Variants in MYLK4 observed in about 807,000 individuals in gnomAD.
The protein encoded by MYLK4 is caMLCK like.
In MYLK4, 46 loss-of-function variants were observed where a neutral mutation model predicts 48.1. That is an observed-to-expected ratio of 0.96 (90% CI 0.75 to 1.22). MYLK4 has a LOEUF of 1.22. MYLK4 is among the 50% of genes most tolerant of loss of function. The pLI is 0.00. For missense variants in MYLK4, 451 were observed against 486.1 expected (o/e 0.93, Z 0.68); for synonymous variants, 170 against 180.8 (o/e 0.94, Z 0.48).
chr6:2,679,430 G>A (rs530641380), intron 8 of MYLK4, 22 bp from the exon 9 acceptor site: 110 of 1,614,112 alleles, frequency 6.8e-5, no homozygotes, highest in Non-Finnish European at 9.1e-5. Context: ...GAGACAAAGT[G>A]GAAGGATGGA....
intron 2 of MYLK4, among the ~76,000 whole-genome samples, chr6:2,696,992 G>A (rs1223234565): frequency 3.9e-5 from 6 of 152,178 alleles, no homozygotes; most frequent in Non-Finnish European, 2.9e-5. Flanking sequence ...CCTGGAGGCG[G>A]AGGTTGCCGT....
intron 6 of MYLK4, among the ~76,000 whole-genome samples, chr6:2,683,391 T>TTGTGTGTGTGTGTG (rs67359849): frequency 0.01 from 1,308 of 126,620 alleles, 43 homozygotes; most frequent in South Asian, 0.014. Flanking sequence ...CCCCACCTTT[T>TTGTGTGTGTGTGTG]TGTGTGTGTG....
chr6:2,758,475 A>G, the MYLK4 span, among the ~76,000 whole-genome samples: 45 of 151,942 alleles, frequency 3.0e-4, no homozygotes, highest in African/African-American at 9.9e-4. Flanking sequence ...CTTTTATTGA[A>G]AGATATACAT....
At position 2,726,955 on chromosome 6, in the gene MYLK4, AT is replaced by A. The variant is rs1190306096; in HGVS notation, c.159+22180del. Among the ~76,000 whole-genome samples, 6 of 152,286 alleles carry A rather than the reference AT, an allele frequency of 3.9e-5. No homozygotes were observed. The South Asian group carries it at 6.2e-4, about 16-fold the overall frequency. On this transcript the variant is annotated intron_variant, in intron 2 of 12. Transcript: ENST00000274643. ...CAAATGATTACCTGGGCTAAAACAA[AT>A]TTCTGTGTAAATATCTTAAAACTGT...
intron 2 of MYLK4, 30 bp from the exon 3 acceptor site, chr6:2,692,889 T>C: frequency 6.3e-7 from 1 of 1,599,666 alleles, no homozygotes; most frequent in South Asian, 1.1e-5. Flanking sequence ...TAATTGAAGT[T>C]ACATATCACA....
intron 2 of MYLK4, among the ~76,000 whole-genome samples, chr6:2,696,020 A>T (rs1762047761): frequency 6.6e-6 from 1 of 152,248 alleles, no homozygotes; most frequent in South Asian, 2.1e-4. Context: ...GATGAACCTA[A>T]GGACCTCTTT....
At chr6:2,729,774 C>A (rs1198689489) in intron 2 of MYLK4, among the ~76,000 whole-genome samples, 1 of 152,082 alleles carries the variant, frequency 6.6e-6, no homozygotes, top group African/African-American at 2.4e-5. Context: ...AAGTTTCTGA[C>A]AACCTACAAA....
At chr6:2,758,396 TAAC>T in the MYLK4 span, among the ~76,000 whole-genome samples, 13 of 151,356 alleles carry the variant, frequency 8.6e-5, no homozygotes, top group Admixed American at 3.3e-4. Context: ...ATAATATAAA[TAAC>T]AAAAATGTTA....
Position 2,672,568 on chromosome 6 carries a change from G to A in MYLK4, c.1120-1220C>T, listed in dbSNP as rs1760940113. ...AGAATTTAGATTGAAATGGTAAACA[G>A]TTTTGGATCAGAATTAAATTTTCAA... On this transcript the variant is annotated intron_variant, in intron 11 of 12. Coordinates refer to ENST00000274643, the MANE Select transcript of MYLK4 (RefSeq NM_001012418.5). This position sits in a 1 kb window ranked among gnomAD's most constrained non-coding sequence, Gnocchi z 4.3. Among the ~76,000 whole-genome samples, 2 of 152,172 alleles carry A rather than the reference G, an allele frequency of 1.3e-5. No individual in the cohort carries two copies. Among genetic ancestry groups the A allele is most frequent in the South Asian group, 4.1e-4 (2 of 4,828 alleles).
chr6:2,744,218 A>T, intron 2 of MYLK4: 1 of 390,648 alleles, frequency 2.6e-6, no homozygotes, highest in Non-Finnish European at 4.5e-6. Flanking sequence ...TCAGCAAATA[A>T]TCTGCCTCTT....
At chr6:2,686,195 T>C (rs1225959876) in intron 4 of MYLK4, among the ~76,000 whole-genome samples, 2 of 152,244 alleles carry the variant, frequency 1.3e-5, no homozygotes, top group African/African-American at 4.8e-5. Flanking sequence ...AGCACATTTC[T>C]TGGGTGATTC....
upstream of MYLK4, chr6:2,750,943 T>A (rs895541876): frequency 1.3e-5 from 2 of 152,664 alleles, no homozygotes; most frequent in African/African-American, 4.8e-5. Flanking sequence ...TCAGCCCCTG[T>A]TTAAATTAAT....
chr6:2,724,976 C>T (rs12214807), intron 2 of MYLK4, among the ~76,000 whole-genome samples: 40,972 of 152,018 alleles, frequency 0.27, 5,752 homozygotes, highest in Admixed American at 0.31. Context: ...CATGATGAAA[C>T]TCCGTCTCTA....
chr6:2,699,231 A>G (rs1055500404), intron 2 of MYLK4, among the ~76,000 whole-genome samples: 4 of 151,548 alleles, frequency 2.6e-5, no homozygotes, highest in Middle Eastern at 3.4e-3. Context: ...ATTTTATTAT[A>G]ATATACATTG....
intron 2 of MYLK4, among the ~76,000 whole-genome samples, chr6:2,720,252 A>C (rs568620253): frequency 4.6e-5 from 7 of 151,992 alleles, no homozygotes; most frequent in Non-Finnish European, 8.8e-5. Flanking sequence ...AAAATACAAA[A>C]AATTAGCCGG....
intron 2 of MYLK4, among the ~76,000 whole-genome samples, chr6:2,713,144 G>A (rs1762735752): frequency 6.6e-6 from 1 of 152,156 alleles, no homozygotes; most frequent in Non-Finnish European, 1.5e-5. Context: ...GCTGAGGTGG[G>A]TGGATCCCCT....
chr6:2,688,999 T>C, intron 3 of MYLK4, 43 bp from the exon 4 acceptor site: 2 of 1,543,270 alleles, frequency 1.3e-6, no homozygotes, highest in Non-Finnish European at 1.8e-6. Flanking sequence ...TCAAGAAGTC[T>C]GACCTCGTTA....
chr6:2,768,004 C>T, the MYLK4 span, among the ~76,000 whole-genome samples: 1 of 152,192 alleles, frequency 6.6e-6, no homozygotes, highest in Non-Finnish European at 1.5e-5. Flanking sequence ...AGTTTTTCTT[C>T]TCATCCTTTA....
intron 2 of MYLK4, among the ~76,000 whole-genome samples, chr6:2,723,527 T>C (rs983086440): frequency 6.6e-6 from 1 of 152,262 alleles, no homozygotes; most frequent in South Asian, 2.1e-4. Context: ...CTGAGTTAGC[T>C]TGAGGTTCTC....
Sources: allele counts gnomAD v4.1 joint callset (sites outside exome capture counted in the v4.1 genomes callset), GRCh38; gene constraint gnomAD v4.1.1; non-coding constraint Gnocchi (gnomAD v3.1); transcripts MANE v1.5; gene names NCBI Gene and HGNC (gene_info 2026-07-23, HGNC 2026-07-21).